The following CFAP36 variants were observed in gnomAD, a reference collection of about 807,000 sequenced individuals.
CFAP36 encodes cilia and flagella associated protein 36.
In CFAP36, 37 loss-of-function variants were observed where a neutral mutation model predicts 50.5. The ratio of observed to expected loss-of-function variants is 0.73; its 90% CI spans 0.56 to 0.96. CFAP36 has a LOEUF of 0.96. Among genes scored for constraint, CFAP36 ranks in the 50% least tolerant of loss-of-function variants. The pLI is 0.00. For missense variants in CFAP36, 407 were observed against 396.2 expected (o/e 1.03, Z -0.23); for synonymous variants, 138 against 128.2 (o/e 1.08, Z -0.52).
At chr2:55,529,568 A>G (rs13028892) in intron 4 of CFAP36, among the ~76,000 whole-genome samples, 120,152 of 151,956 alleles carry the variant, frequency 0.79, 49,139 homozygotes, top group Non-Finnish European at 0.89. Context: ...TTGAATGGTC[A>G]TAGTTGTGGT....
intron 4 of CFAP36, among the ~76,000 whole-genome samples, 177 bp from the exon 5 acceptor site, chr2:55,533,694 CAA>C (rs67734632): frequency 1.0e-4 from 14 of 140,006 alleles, no homozygotes; most frequent in South Asian, 2.2e-4. Flanking sequence ...GACTCTGTCT[CAA>C]AAAAAAAAAA....
chr2:55,527,240 T>C (rs1271573129), intron 3 of CFAP36, among the ~76,000 whole-genome samples: 1 of 152,140 alleles, frequency 6.6e-6, no homozygotes, highest in Non-Finnish European at 1.5e-5. Flanking sequence ...TCTGTCAGTA[T>C]TGGACAGATC....
At chr2:55,528,796 T>G in intron 3 of CFAP36, 82 bp from the exon 4 acceptor site, 1 of 741,734 alleles carries the variant, frequency 1.3e-6, no homozygotes, top group Non-Finnish European at 2.3e-6. Context: ...TAATCTACTG[T>G]TTTGCAGTAG....
At position 55,537,596 on chromosome 2, in the gene CFAP36, G is replaced by C. The variant is rs1215130427; in HGVS notation, c.640+11G>C. 4.5e-6 allele frequency: 7 copies of C among 1,566,932 alleles called. No individual in the cohort carries two copies. The Admixed American group carries it at 1.3e-4, about 28-fold the overall frequency. On this transcript the variant is annotated intron_variant, in intron 7 of 9. Transcript: ENST00000349456. ...CACACCCACCCTCAGGTAAGGTTGA[G>C]GTGTACTGAACTTTCTCTAATAATA...
rs1047681111 is a variant in CFAP36 at position 55,538,956 on chromosome 2, A to G, written c.640+1371A>G. ...AAGTTGGAGAACACCTTTCTTTAAT[A>G]TGCCTAATTTAAGCTGTTTTAGGTT... On this transcript the variant is annotated intron_variant, in intron 7 of 9. Coordinates refer to ENST00000349456, the MANE Select transcript of CFAP36 (RefSeq NM_080667.7). 8 of 1,404,262 alleles carry G rather than the reference A, an allele frequency of 5.7e-6. No homozygotes were observed. In the African/African-American group the frequency reaches 1.2e-4, roughly 21 times the overall value. The allele number at this position is 1,404,262 out of a possible 1,614,324, so 87.0% of individuals were successfully genotyped here. A position where few individuals can be genotyped will look rare whatever the true frequency, so the allele number is the denominator to read the frequency against.
At chr2:55,531,493 G>C (rs1339920382) in intron 4 of CFAP36, among the ~76,000 whole-genome samples, 1 of 152,132 alleles carries the variant, frequency 6.6e-6, no homozygotes, top group African/African-American at 2.4e-5. Flanking sequence ...CCAGAGGAAG[G>C]GAGAGAAGGA....
intron 3 of CFAP36, among the ~76,000 whole-genome samples, chr2:55,527,568 C>G (rs4672053): frequency 0.089 from 13,576 of 151,900 alleles, 746 homozygotes; most frequent in South Asian, 0.14. Flanking sequence ...GGTGACAGAA[C>G]AAGACTGCAT....
At chr2:55,522,292 C>T (rs1684089573) in intron 2 of CFAP36, 126 bp downstream of exon 2, 5 of 548,198 alleles carry the variant, frequency 9.1e-6, no homozygotes, top group Non-Finnish European at 1.3e-5. Context: ...TCTACCTTAA[C>T]AATAGTGCCA....
At chr2:55,521,816 G>C (rs556975588) in intron 1 of CFAP36, among the ~76,000 whole-genome samples, 29 of 152,060 alleles carry the variant, frequency 1.9e-4, no homozygotes, top group African/African-American at 7.0e-4. Context: ...TTTTAGTAGA[G>C]ATGGGATTTC....
At position 55,519,772 on chromosome 2, in the gene CFAP36, G is replaced by T. The variant is rs1323936072; in HGVS notation, c.-30G>T. ...ACCGGGGTCCGGCGGTCTGGCCTAG[G>T]GATCTTCCCCGTTGCCCCTTTGGGG... On this transcript the variant is annotated 5_prime_UTR_variant, in exon 1 of 10. Coordinates refer to ENST00000349456, the MANE Select transcript of CFAP36 (RefSeq NM_080667.7). The T allele has an allele frequency of 1.2e-6, 2 of 1,611,842 alleles. No homozygotes were observed. The highest frequency in any genetic ancestry group is 1.7e-6 in the Non-Finnish European group (2 of 1,177,926).
At chr2:55,539,816 G>A (rs550028860) in intron 7 of CFAP36, among the ~76,000 whole-genome samples, 9 of 152,324 alleles carry the variant, frequency 5.9e-5, no homozygotes, top group African/African-American at 2.2e-4. Flanking sequence ...ATTCTAGTAG[G>A]TGTGTAGTGG....
chr2:55,522,557 C>T (rs1684099587), intron 2 of CFAP36, among the ~76,000 whole-genome samples: 2 of 152,130 alleles, frequency 1.3e-5, no homozygotes, highest in African/African-American at 4.8e-5. Flanking sequence ...CTATCACAGC[C>T]TATTGCAGCC....
chr2:55,528,212 A>G (rs767166551), intron 3 of CFAP36, among the ~76,000 whole-genome samples: 23 of 151,000 alleles, frequency 1.5e-4, no homozygotes, highest in Non-Finnish European at 3.0e-4. Flanking sequence ...ATATGTAATC[A>G]TAGAATAATC....
chr2:55,519,829 G>A lies in CFAP36; in HGVS notation c.28G>A (p.Glu10Lys), dbSNP rs1221044332. The A allele has an allele frequency of 6.2e-7, 1 of 1,614,276 alleles. No homozygotes were observed. Among genetic ancestry groups the A allele is most frequent in the Admixed American group, 1.7e-5 (1 of 60,036 alleles). Residue 10 changes from glutamate to lysine, a missense_variant, in exon 1 of 10, where the codon GAG (glutamate) becomes AAG (lysine). Coordinates refer to ENST00000349456, the MANE Select transcript of CFAP36 (RefSeq NM_080667.7). ...GGCTGCGGAAGAAGAAGACGAGGTG[G>A]AGTGGGTAGTGGAGAGCATCGCGGG... MAAEEEDEV[E>K]WVVESIAGFL...
chr2:55,533,993 A>G lies in CFAP36; in HGVS notation c.485+33A>G, dbSNP rs371762805. ...TCTTTAATTGTTTTTTAAATGAATC[A>G]TTATTAATATTATATGATCTGTACA... is the stretch of plus-strand genomic sequence containing the variant. On this transcript the variant is annotated intron_variant, in intron 5 of 9. Transcript: ENST00000349456. The G allele has an allele frequency of 1.4e-5, 17 of 1,246,818 alleles. No homozygotes were observed. The African/African-American group carries it at 2.1e-4, about 15-fold the overall frequency. The allele number at this position is 1,246,818 out of a possible 1,614,324, so 77.2% of individuals were successfully genotyped here.
intron 3 of CFAP36, 111 bp from the exon 4 acceptor site, chr2:55,528,767 C>G: frequency 1.6e-6 from 1 of 614,842 alleles, no homozygotes; most frequent in South Asian, 2.4e-5. Context: ...TCATAAATAA[C>G]AATGTAGCAT....
intron 6 of CFAP36, chr2:55,536,013 C>A: frequency 1.5e-6 from 1 of 647,596 alleles, no homozygotes; most frequent in Non-Finnish European, 2.2e-6. Flanking sequence ...ACTAATTAAT[C>A]TTACAGGACA....
intron 4 of CFAP36, among the ~76,000 whole-genome samples, chr2:55,533,281 C>A (rs906122112): frequency 6.6e-6 from 1 of 152,124 alleles, no homozygotes; most frequent in African/African-American, 2.4e-5. Flanking sequence ...AACATATTAA[C>A]AAATTTTTGT....
rs748634021 is a variant in CFAP36 at position 55,544,337 on chromosome 2, G to C, written c.895G>C (p.Glu299Gln). ...GAGGACTAAACAGATACAAAATATG[G>C]AGCAGAAAGGAAAACCCACTGGGGA... ...DMRTKQIQNM[E>Q]QKGKPTGEVE... The change falls in exon 9 of 10, where the codon GAG becomes CAG. Residue 299 changes from glutamate to glutamine, a missense_variant. Glu to Gln is a conservative substitution (Grantham distance 29, BLOSUM62 2). Coordinates refer to ENST00000349456, the MANE Select transcript of CFAP36 (RefSeq NM_080667.7). 1.4e-5 allele frequency: 23 copies of C among 1,613,304 alleles called. No individual in the cohort carries two copies. The highest frequency in any genetic ancestry group is 2.7e-5 in the African/African-American group (2 of 74,866).
Sources: allele counts gnomAD v4.1 joint callset (sites outside exome capture counted in the v4.1 genomes callset), GRCh38; gene constraint gnomAD v4.1.1; transcripts MANE v1.5; gene names NCBI Gene and HGNC (gene_info 2026-07-23, HGNC 2026-07-21).